Variants in KLHL1 observed in about 807,000 individuals in gnomAD.
The protein encoded by KLHL1 is kelch-like protein 1.
Under a neutral mutation model 77.7 loss-of-function variants are expected in KLHL1, and 47 were observed. The ratio of observed to expected loss-of-function variants is 0.60; its 90% CI spans 0.48 to 0.77. The LOEUF is 0.77. Ranked by LOEUF, KLHL1 falls within the 30% of genes least tolerant of loss-of-function variation. KLHL1 has a pLI of 0.00. For missense variants in KLHL1, 925 were observed against 910.8 expected, an observed-to-expected ratio of 1.02 and a Z score of -0.20; for synonymous variants, 360 against 325.2, an observed-to-expected ratio of 1.11 and a Z score of -1.15.
In KLHL1 at chr13:70,040,704, T is replaced by C. The variant is rs147340871; in HGVS notation, c.498-64902A>G. ...CACAATTTGGATTTTGGGGGGGTTA[T>C]TTTGTTTTAGATTCACCCACCTTGA... On this transcript the variant is annotated intron_variant, in intron 1 of 10. Transcript: ENST00000377844. 2.3e-4 allele frequency among the ~76,000 whole-genome samples: 35 copies of C among 152,280 alleles called. No individual in the cohort carries two copies. In the East Asian group the frequency reaches 5.8e-3, roughly 25 times the overall value.
At chr13:70,106,209 G>A (rs1888053002) in intron 1 of KLHL1, among the ~76,000 whole-genome samples, 2 of 151,654 alleles carry the variant, frequency 1.3e-5, no homozygotes, top group Non-Finnish European at 2.9e-5. Flanking sequence ...TTACTAATTT[G>A]TTACTGTGTA....
chr13:69,969,776 T>G lies in KLHL1; in HGVS notation c.680+5844A>C, dbSNP rs141222122. Among the ~76,000 whole-genome samples the G allele has an allele frequency of 3.9e-4, 59 of 152,278 alleles. No homozygotes were observed. The East Asian group carries it at 0.011, about 29-fold the overall frequency. ...TGGATTAAATTTTAGAAGAGGGATTTAATGCATAACAGACATTAATATTTT... is the reference window on the plus strand; with the variant it reads ...TGGATTAAATTTTAGAAGAGGGATTGAATGCATAACAGACATTAATATTTT... On this transcript the variant is annotated intron_variant, in intron 2 of 10. Coordinates refer to ENST00000377844, the MANE Select transcript of KLHL1 (RefSeq NM_020866.3).
At chr13:69,981,042 A>T (rs2137299028) in intron 1 of KLHL1, among the ~76,000 whole-genome samples, 1 of 152,292 alleles carries the variant, frequency 6.6e-6, no homozygotes, top group Non-Finnish European at 1.5e-5. Context: ...CCCAAAACCT[A>T]ACAGAATGCC....
chr13:69,995,302 C>G (rs1370800988), intron 1 of KLHL1, among the ~76,000 whole-genome samples: 1 of 151,944 alleles, frequency 6.6e-6, no homozygotes, highest in African/African-American at 2.4e-5. Context: ...GTATATACAA[C>G]TCCAGAGGTA....
At chr13:69,866,946 C>CAT (rs34069392) in intron 5 of KLHL1, among the ~76,000 whole-genome samples, 49,512 of 151,802 alleles carry the variant, frequency 0.33, 8,556 homozygotes, top group African/African-American at 0.45. Context: ...TAAATTATCA[C>CAT]GTTTAATCAT....
At chr13:69,929,950 T>C (rs992588465) in intron 4 of KLHL1, among the ~76,000 whole-genome samples, 1 of 151,886 alleles carries the variant, frequency 6.6e-6, no homozygotes, top group Non-Finnish European at 1.5e-5. Flanking sequence ...GAATGAAGAA[T>C]TGATGGTTGG....
rs556202607 is a variant in KLHL1, at chr13:70,080,036, G to A, written c.497+27167C>T. On this transcript the variant is annotated intron_variant, in intron 1 of 10. Coordinates refer to ENST00000377844, the MANE Select transcript of KLHL1 (RefSeq NM_020866.3). ...TCAGTAGGTAAAAGAAGGGATTTGT[G>A]GATAGGTACCAAGATGTGTTTTCTT... Among the ~76,000 whole-genome samples the A allele has an allele frequency of 5.9e-5, 9 of 152,286 alleles. No homozygotes were observed. In the East Asian group the frequency reaches 1.7e-3, roughly 29 times the overall value.
intron 4 of KLHL1, among the ~76,000 whole-genome samples, chr13:69,912,160 G>C (rs1882260478): frequency 6.6e-6 from 1 of 152,096 alleles, no homozygotes; most frequent in African/African-American, 2.4e-5. Context: ...ATATAATATG[G>C]GGTCTTCTCT....
At chr13:69,923,977 C>T (rs1401096880) in intron 4 of KLHL1, among the ~76,000 whole-genome samples, 2 of 152,254 alleles carry the variant, frequency 1.3e-5, no homozygotes, top group Non-Finnish European at 2.9e-5. Context: ...ACTCCCGGCA[C>T]CTGCTCTGAT....
intron 5 of KLHL1, among the ~76,000 whole-genome samples, chr13:69,872,937 G>A (rs142319175): frequency 1.3e-5 from 2 of 152,240 alleles, no homozygotes; most frequent in African/African-American, 2.4e-5. Context: ...ATTTCAACAT[G>A]AGGTTTGAGG....
At chr13:69,795,796 C>T (rs1877078327) in intron 7 of KLHL1, among the ~76,000 whole-genome samples, 1 of 152,060 alleles carries the variant, frequency 6.6e-6, no homozygotes, top group Non-Finnish European at 1.5e-5. Context: ...TCCTGGTTAC[C>T]CCATAGCAGG....
chr13:69,960,635 A>G lies in KLHL1; in HGVS notation c.817+673T>C, dbSNP rs148900510. ...TCTGTTCATTTGGTCTGTGAGCTTC[A>G]TGAGGGCAATACACAGATTTATTAG... is the stretch of plus-strand genomic sequence containing the variant. On this transcript the variant is annotated intron_variant, in intron 3 of 10. Coordinates refer to ENST00000377844, the MANE Select transcript of KLHL1 (RefSeq NM_020866.3). Among the ~76,000 whole-genome samples, 893 of 152,164 alleles carry G rather than the reference A, an allele frequency of 5.9e-3. 10 individuals carry two copies. Among genetic ancestry groups the G allele is most frequent in the Admixed American group, 5.5e-3 (84 of 15,238 alleles).
chr13:70,100,582 C>G (rs1295891882), intron 1 of KLHL1, among the ~76,000 whole-genome samples: 2 of 152,126 alleles, frequency 1.3e-5, no homozygotes, highest in Non-Finnish European at 2.9e-5. Flanking sequence ...ATCCACCAAC[C>G]TTGGCCTCCC....
intron 1 of KLHL1, among the ~76,000 whole-genome samples, chr13:70,025,907 A>G (rs972630284): frequency 6.6e-6 from 1 of 152,078 alleles, no homozygotes; most frequent in Non-Finnish European, 1.5e-5. Flanking sequence ...TGGAAGCGCT[A>G]GAGCTAATAA....
At chr13:70,056,008 C>A (rs1029950661) in intron 1 of KLHL1, among the ~76,000 whole-genome samples, 1 of 151,918 alleles carries the variant, frequency 6.6e-6, no homozygotes, top group Admixed American at 6.6e-5. Context: ...GACTGAACTC[C>A]AATCAAAAGA....
chr13:69,867,728 C>A (rs775889974), intron 5 of KLHL1, among the ~76,000 whole-genome samples: 8 of 150,374 alleles, frequency 5.3e-5, no homozygotes, highest in Non-Finnish European at 8.9e-5. Context: ...ACAATAGTAC[C>A]TTTATTTTCC....
intron 2 of KLHL1, 30 bp downstream of exon 2, chr13:69,975,590 C>A (rs368996810): frequency 3.8e-6 from 6 of 1,584,682 alleles, no homozygotes; most frequent in South Asian, 1.1e-5. Flanking sequence ...CATGTGAATG[C>A]ATGTTTCCAG....
intron 7 of KLHL1, among the ~76,000 whole-genome samples, chr13:69,780,093 C>A (rs1272422442): frequency 6.6e-6 from 1 of 152,142 alleles, no homozygotes; most frequent in Admixed American, 6.5e-5. Context: ...CAGGCATGAG[C>A]CACCGTGCCC....
At chr13:70,034,781 C>T (rs1886198260) in intron 1 of KLHL1, among the ~76,000 whole-genome samples, 1 of 151,966 alleles carries the variant, frequency 6.6e-6, no homozygotes, top group African/African-American at 2.4e-5. Flanking sequence ...TCTTAAACAG[C>T]TATGTAAAGT....
Sources: gnomAD v4.1 joint callset for allele counts (sites outside exome capture counted in the v4.1 genomes callset) on GRCh38, gnomAD v4.1.1 for gene constraint, MANE v1.5 for transcripts, NCBI Gene and HGNC (gene_info 2026-07-23, HGNC 2026-07-21) for gene names.